The following NELFA variants were observed in gnomAD, a reference collection of about 807,000 sequenced individuals.
NELFA encodes the protein negative elongation factor complex member A, also known as negative elongation factor A.
A neutral mutation model predicts 51.8 loss-of-function variants in NELFA; 35 were observed. The ratio of observed to expected loss-of-function variants is 0.68; its 90% confidence interval spans 0.52 to 0.90. The LOEUF is 0.90. Ranked by LOEUF, NELFA falls within the 40% of genes least tolerant of loss-of-function variation. NELFA has a pLI of 0.00. For missense variants in NELFA, 658 were observed against 746.4 expected (o/e 0.88, Z 1.38); for synonymous variants, 417 against 338.4 (o/e 1.23, Z -2.55).
chr4:2,001,442 A>G (rs561049823), intron 1 of NELFA, among the ~76,000 whole-genome samples: 3 of 152,378 alleles, frequency 2.0e-5, no homozygotes, highest in South Asian at 4.1e-4. Flanking sequence ...AAGCAACTTC[A>G]GCAAAGTCCG....
chr4:2,002,063 G>GTA (rs1728585139), intron 1 of NELFA, among the ~76,000 whole-genome samples: 5 of 151,888 alleles, frequency 3.3e-5, no homozygotes, highest in Non-Finnish European at 4.4e-5. Context: ...AGCCAGGCAT[G>GTA]GTGGCGGGCG....
At position 2,008,724 on chromosome 4, in the gene NELFA, G is replaced by A. The variant is rs1355927235; in HGVS notation, c.210+26C>T. Reference sequence around the variant, plus strand: ...AGGTGGGAAGGTTGGGAATCTGGGGGCCGCGGGGCGCCACGCCTGCCTTAC... The same window carrying A: ...AGGTGGGAAGGTTGGGAATCTGGGGACCGCGGGGCGCCACGCCTGCCTTAC... On this transcript the variant is annotated intron_variant, in intron 1 of 10. Transcript: ENST00000382882. 5 of 1,582,170 alleles carry A rather than the reference G, an allele frequency of 3.2e-6. No homozygotes were observed. The Admixed American group carries it at 5.5e-5, about 17-fold the overall frequency.
intron 7 of NELFA, 51 bp from the exon 8 acceptor site, chr4:1,984,970 T>C (rs1396650607): frequency 2.2e-5 from 31 of 1,380,376 alleles, no homozygotes; most frequent in Non-Finnish European, 2.9e-5. Flanking sequence ...GCTTCCGGCA[T>C]GTGCTAACAC....
chr4:2,002,025 C>A (rs368332545), intron 1 of NELFA, among the ~76,000 whole-genome samples: 237 of 151,978 alleles, frequency 1.6e-3, no homozygotes, highest in African/African-American at 5.4e-3. Flanking sequence ...ACGGTGAAAC[C>A]CTGTCTCTAC....
chr4:1,994,803 C>T (rs1162668923), intron 1 of NELFA, among the ~76,000 whole-genome samples: 3 of 145,192 alleles, frequency 2.1e-5, no homozygotes, highest in Non-Finnish European at 3.0e-5. Context: ...TGCAGTGAGC[C>T]GAGATTGCGT....
At chr4:1,997,357 C>G (rs1396810345) in intron 1 of NELFA, among the ~76,000 whole-genome samples, 1 of 152,238 alleles carries the variant, frequency 6.6e-6, no homozygotes, top group African/African-American at 2.4e-5. Context: ...GTAAGTAAAA[C>G]TACAGGTCAA....
intron 1 of NELFA, among the ~76,000 whole-genome samples, chr4:2,001,199 CA>C (rs1268762355): frequency 6.6e-6 from 1 of 152,138 alleles, no homozygotes; most frequent in Non-Finnish European, 1.5e-5. Flanking sequence ...ATTGAATGGG[CA>C]AAAGCTGGAA....
At chr4:1,998,627 A>C (rs1728493614) in intron 1 of NELFA, among the ~76,000 whole-genome samples, 1 of 152,194 alleles carries the variant, frequency 6.6e-6, no homozygotes, top group Admixed American at 6.5e-5. Context: ...GAACGAACAA[A>C]GCCTCCAAAA....
chr4:2,001,563 G>A (rs1728566092), intron 1 of NELFA, among the ~76,000 whole-genome samples: 1 of 152,200 alleles, frequency 6.6e-6, no homozygotes, highest in Non-Finnish European at 1.5e-5. Flanking sequence ...GCTAACAAGG[G>A]ATGTGAAGGA....
chr4:1,992,982 C>A (rs1728317929), intron 1 of NELFA, among the ~76,000 whole-genome samples: 1 of 152,200 alleles, frequency 6.6e-6, no homozygotes, highest in South Asian at 2.1e-4. Flanking sequence ...TCCCGACGCC[C>A]GCCCGAGCTG....
intron 1 of NELFA, among the ~76,000 whole-genome samples, chr4:2,007,368 C>T (rs382441): frequency 0.25 from 38,645 of 152,118 alleles, 5,026 homozygotes; most frequent in East Asian, 0.31. Flanking sequence ...TTTACAAGAG[C>T]ACAAAAGCTA....
In NELFA at chr4:1,992,510, C is replaced by A. The variant is rs564993301; in HGVS notation, c.211-795G>T. Reference sequence around the variant, plus strand: ...ATGGCGTGCCTGTGCCTCTGCCATGCGCCCACTGGGCTGCTCACAGTGTGA... The same window carrying A: ...ATGGCGTGCCTGTGCCTCTGCCATGAGCCCACTGGGCTGCTCACAGTGTGA... On this transcript the variant is annotated intron_variant, in intron 1 of 10. Coordinates refer to ENST00000382882, the MANE Select transcript of NELFA (RefSeq NM_005663.5). The A allele has an allele frequency of 3.5e-5, 15 of 424,432 alleles. No individual in the cohort carries two copies. The Admixed American group carries it at 3.9e-4, about 11-fold the overall frequency. The allele number at this position is 424,432 out of a possible 1,614,324, so 26.3% of individuals were successfully genotyped here.
At chr4:2,008,456 G>A (rs983956311) in intron 1 of NELFA, among the ~76,000 whole-genome samples, 2 of 150,318 alleles carry the variant, frequency 1.3e-5, no homozygotes, top group Non-Finnish European at 3.0e-5. Context: ...CCCTAGTGGG[G>A]GATTCCCAGG....
At position 1,989,641 on chromosome 4, in the gene NELFA, T is replaced by C; in HGVS notation, c.544+67A>G. On this transcript the variant is annotated intron_variant, in intron 3 of 10. Coordinates refer to ENST00000382882, the MANE Select transcript of NELFA (RefSeq NM_005663.5). This position sits in a 1 kb window ranked among gnomAD's most constrained non-coding sequence, Gnocchi z 4.8. ...CCTTGAAGGGGCAGTCTTGGTACCTTAGAACCTAAGAAACCTATGACTGGA... is the reference window on the plus strand; with the variant it reads ...CCTTGAAGGGGCAGTCTTGGTACCTCAGAACCTAAGAAACCTATGACTGGA... 1 of 1,539,224 alleles carries C rather than the reference T, an allele frequency of 6.5e-7. No homozygotes were observed. Among genetic ancestry groups the C allele is most frequent in the South Asian group, 1.2e-5 (1 of 81,294 alleles).
intron 7 of NELFA, 117 bp downstream of exon 7, chr4:1,985,659 T>C: frequency 1.4e-6 from 1 of 739,336 alleles, no homozygotes; most frequent in Non-Finnish European, 2.2e-6. Flanking sequence ...AAATACAGAC[T>C]GCACACATAT....
Position 1,984,822 on chromosome 4 carries a change from G to C in NELFA, c.1022C>G (p.Ser341Cys). The change falls in exon 8 of 11, where the codon TCC (serine) becomes TGC (cysteine). Residue 341 changes from serine (S) to cysteine (C), a missense_variant. Ser to Cys is a moderately radical substitution (Grantham distance 112). Transcript: ENST00000382882. Reference protein sequence around the residue: ...VVPASSYIPSSETPPAPSSRE... With the variant: ...VVPASSYIPSCETPPAPSSRE... Reference sequence around the variant, plus strand: ...AGCAGACTCACCTGGGGGCGTCTCGGAGCTGGGGATGTAGGAGGAGGCGGG... The same window carrying C: ...AGCAGACTCACCTGGGGGCGTCTCGCAGCTGGGGATGTAGGAGGAGGCGGG... 1 of 1,565,088 alleles carries C rather than the reference G, an allele frequency of 6.4e-7. No individual in the cohort carries two copies. The highest frequency in any genetic ancestry group is 8.7e-7 in the Non-Finnish European group (1 of 1,154,206).
chr4:1,982,973 G>C lies in NELFA; in HGVS notation c.*346C>G, dbSNP rs749268476. 3.8e-5 allele frequency: 7 copies of C among 185,884 alleles called. No homozygotes were observed. The highest frequency in any genetic ancestry group is 6.6e-5 in the Non-Finnish European group (6 of 90,838). The allele number at this position is 185,884 out of a possible 1,614,324, so 11.5% of individuals were successfully genotyped here. On this transcript the variant is annotated 3_prime_UTR_variant, in exon 11 of 11. Coordinates refer to ENST00000382882, the MANE Select transcript of NELFA (RefSeq NM_005663.5). Reference sequence around the variant, plus strand: ...GTAGGAGGGCACTGCCCCAGCGAGGGAAAATAGAAAAGATTTTAAAAAGTA... The same window carrying C: ...GTAGGAGGGCACTGCCCCAGCGAGGCAAAATAGAAAAGATTTTAAAAAGTA...
chr4:2,000,943 A>G (rs904599546), intron 1 of NELFA, among the ~76,000 whole-genome samples: 2 of 152,220 alleles, frequency 1.3e-5, no homozygotes, highest in Non-Finnish European at 1.5e-5. Flanking sequence ...AAGCTTATCC[A>G]CCACGATCAA....
intron 1 of NELFA, chr4:1,992,537 A>C (rs550728798): frequency 2.7e-6 from 1 of 376,646 alleles, no homozygotes; most frequent in East Asian, 1.1e-4. Flanking sequence ...ACAGTGTGAG[A>C]CAGCTGGGCT....
Sources: allele counts gnomAD v4.1 joint callset (sites outside exome capture counted in the v4.1 genomes callset), GRCh38; gene constraint gnomAD v4.1.1; non-coding constraint Gnocchi (gnomAD v3.1); transcripts MANE v1.5; gene names NCBI Gene and HGNC (gene_info 2026-07-23, HGNC 2026-07-21).